The following IQCK variants were observed in gnomAD, a reference collection of about 807,000 sequenced individuals.
IQCK encodes IQ domain-containing protein K.
Under a neutral mutation model 28.1 loss-of-function variants are expected in IQCK, and 29 were observed. The observed-to-expected ratio is 1.03, with a 90% confidence interval of 0.77 to 1.41. The LOEUF (loss-of-function observed/expected upper bound fraction) is 1.41. Ranked by LOEUF, IQCK falls within the 40% of genes most tolerant of loss-of-function variation. The pLI is 0.00. For synonymous variants in IQCK, 113 were observed against 115.1 expected (o/e 0.98, Z 0.12); for missense variants, 359 against 314.7 (o/e 1.14, Z -1.07).
At chr16:19,777,591 TAGAG>T (rs1043483031) in intron 6 of IQCK, among the ~76,000 whole-genome samples, 8 of 152,268 alleles carry the variant, frequency 5.3e-5, no homozygotes, top group Admixed American at 4.6e-4. Flanking sequence ...CATCTTCAAA[TAGAG>T]GGAGGAAGGA....
Position 19,852,310 on chromosome 16 carries a change from C to T in IQCK, c.803-4177C>T, listed in dbSNP as rs113178746. Among the ~76,000 whole-genome samples, 28 of 152,162 alleles carry T rather than the reference C, an allele frequency of 1.8e-4. 1 individual carries two copies. The highest frequency in any genetic ancestry group is 3.4e-3 in the Middle Eastern group (1 of 294). The stretch of plus-strand genomic sequence containing the variant: ...ATAAATAAAAACATTTGTGGAGGAT[C>T]GCTTGAGCCTCCACAAGCCTCCAGA... On this transcript the variant is annotated intron_variant, in intron 9 of 9. Coordinates refer to the IQCK transcript ENST00000320394.
At chr16:19,728,600 TTG>T (rs1977732523) in intron 1 of IQCK, among the ~76,000 whole-genome samples, 1 of 152,132 alleles carries the variant, frequency 6.6e-6, no homozygotes, top group Non-Finnish European at 1.5e-5. Context: ...ACCAATGAGC[TTG>T]GAAAAGTATC....
chr16:19,780,095 G>A (rs1383828967), intron 6 of IQCK, among the ~76,000 whole-genome samples: 1 of 150,684 alleles, frequency 6.6e-6, no homozygotes, highest in East Asian at 2.0e-4. Context: ...CAGCTGGAGT[G>A]CAGTGGTGCG....
intron 7 of IQCK, among the ~76,000 whole-genome samples, chr16:19,819,226 C>T (rs1160349523): frequency 6.6e-6 from 1 of 152,166 alleles, no homozygotes; most frequent in Non-Finnish European, 1.5e-5. Flanking sequence ...GGTGTGTTGT[C>T]TCACGCCTGT....
chr16:19,853,583 C>G (rs1465367946), intron 9 of IQCK, among the ~76,000 whole-genome samples: 1 of 152,200 alleles, frequency 6.6e-6, no homozygotes, highest in Non-Finnish European at 1.5e-5. Context: ...CAGTCCTTCC[C>G]TCCAGCTATT....
chr16:19,774,683 C>T (rs1015236346), intron 6 of IQCK, among the ~76,000 whole-genome samples: 2 of 152,074 alleles, frequency 1.3e-5, no homozygotes, highest in Admixed American at 6.6e-5. Context: ...TTATTGAATG[C>T]TTAAATATGC....
chr16:19,752,208 C>T (rs1210812047), intron 4 of IQCK, among the ~76,000 whole-genome samples: 1 of 152,158 alleles, frequency 6.6e-6, no homozygotes, highest in Non-Finnish European at 1.5e-5. Context: ...GGAACACGAG[C>T]GATCAGAATT....
chr16:19,804,834 A>G lies in IQCK; in HGVS notation c.690+15912A>G, dbSNP rs143413322. On this transcript the variant is annotated intron_variant, in intron 7 of 7. Transcript: ENST00000564186. ...CTTTCAACCCAGGGTGAGCCCTGAGATGGCAGGACCAAAGAAACCTTTAGG... is the reference window on the plus strand; with the variant it reads ...CTTTCAACCCAGGGTGAGCCCTGAGGTGGCAGGACCAAAGAAACCTTTAGG... Among the ~76,000 whole-genome samples the G allele has an allele frequency of 2.1e-3, 316 of 152,352 alleles. 2 individuals are homozygous for G. The highest frequency in any genetic ancestry group is 0.01 in the Middle Eastern group (3 of 294).
chr16:19,734,308 C>G (rs1468205686), intron 3 of IQCK, among the ~76,000 whole-genome samples: 1 of 151,860 alleles, frequency 6.6e-6, no homozygotes, highest in African/African-American at 2.4e-5. Context: ...ACCAGCCTGG[C>G]CAACATGGTG....
chr16:19,830,442 C>T (rs943795296), downstream of IQCK, among the ~76,000 whole-genome samples: 1 of 152,182 alleles, frequency 6.6e-6, no homozygotes, highest in Non-Finnish European at 1.5e-5. Flanking sequence ...CCATTTCCAC[C>T]ATCTGCTGCT....
At chr16:19,734,960 G>A (rs981249482) in intron 3 of IQCK, among the ~76,000 whole-genome samples, 1 of 151,930 alleles carries the variant, frequency 6.6e-6, no homozygotes, top group Non-Finnish European at 1.5e-5. Flanking sequence ...CTTGGCTAAC[G>A]ACTGCCTTTA....
At chr16:19,779,699 CTTAT>C (rs945948064) in intron 6 of IQCK, among the ~76,000 whole-genome samples, 3 of 151,054 alleles carry the variant, frequency 2.0e-5, no homozygotes, top group Admixed American at 6.6e-5. Context: ...TTAATTTTTA[CTTAT>C]TTATTTATTT....
intron 1 of IQCK, among the ~76,000 whole-genome samples, chr16:19,724,813 C>T (rs1020762081): frequency 2.0e-5 from 3 of 151,904 alleles, no homozygotes; most frequent in East Asian, 1.9e-4. Flanking sequence ...ATTACAGGCG[C>T]GATCCACCGT....
At chr16:19,808,521 T>TA (rs1013395913) in intron 7 of IQCK, among the ~76,000 whole-genome samples, 11 of 152,246 alleles carry the variant, frequency 7.2e-5, no homozygotes, top group African/African-American at 2.2e-4. Context: ...GTATTTCACT[T>TA]CTCAGAGCCT....
intron 6 of IQCK, among the ~76,000 whole-genome samples, chr16:19,777,292 G>A (rs753108951): frequency 6.6e-6 from 1 of 152,108 alleles, no homozygotes; most frequent in Non-Finnish European, 1.5e-5. Context: ...TCACTGTGTC[G>A]TTTGAGGACA....
At position 19,822,376 on chromosome 16, in the gene IQCK, ACT is replaced by A. The variant is rs1417381806; in HGVS notation, c.691-4647_691-4646del. 1.6e-3 allele frequency among the ~76,000 whole-genome samples: 205 copies of A among 131,146 alleles called. 1 individual carries two copies. Among genetic ancestry groups the A allele is most frequent in the African/African-American group, 5.5e-3 (184 of 33,264 alleles). The allele number at this position is 131,146 out of a possible 152,430, so 86.0% of individuals were successfully genotyped here. On this transcript the variant is annotated intron_variant, in intron 7 of 7. Coordinates refer to ENST00000564186, the Ensembl canonical transcript of IQCK. ...CTTCCAGCCTGGGTGACAGAGTGAG[ACT>A]CTGTCTCAAAAAAAAAAAAAAAAAA...
intron 4 of IQCK, among the ~76,000 whole-genome samples, chr16:19,741,178 GTC>G (rs1037620182): frequency 7.9e-5 from 12 of 152,040 alleles, no homozygotes; most frequent in African/African-American, 2.9e-4. Flanking sequence ...TTCCCCTTGT[GTC>G]TGTTTTTTTC....
At chr16:19,753,035 A>G (rs747772425) in intron 4 of IQCK, among the ~76,000 whole-genome samples, 12 of 151,432 alleles carry the variant, frequency 7.9e-5, no homozygotes, top group Non-Finnish European at 1.6e-4. Flanking sequence ...CCTATGTCCT[A>G]TAAGGCTCAA....
At chr16:19,750,494 C>T (rs1258969039) in intron 4 of IQCK, among the ~76,000 whole-genome samples, 1 of 151,282 alleles carries the variant, frequency 6.6e-6, no homozygotes, top group East Asian at 1.9e-4. Flanking sequence ...TGGAGTCTTG[C>T]TCTGTCACCC....
Sources: gnomAD v4.1 joint callset for allele counts (sites outside exome capture counted in the v4.1 genomes callset) on GRCh38, gnomAD v4.1.1 for gene constraint, MANE v1.5 for transcripts, NCBI Gene and HGNC (gene_info 2026-07-23, HGNC 2026-07-21) for gene names.